Variants in SUGCT observed in about 807,000 individuals in gnomAD.
The protein encoded by SUGCT is succinyl-CoA:glutarate-CoA transferase.
In SUGCT, 41 loss-of-function variants were observed where a neutral mutation model predicts 55.0. That is an observed-to-expected ratio of 0.74 (90% CI 0.58 to 0.97). The LOEUF (loss-of-function observed/expected upper bound fraction) is 0.97, where lower values mean the gene tolerates loss of function less well. Ranked by LOEUF, SUGCT falls within the 50% of genes least tolerant of loss-of-function variation. SUGCT has a pLI of 0.00. For synonymous variants in SUGCT, 187 were observed against 200.4 expected (o/e 0.93, Z 0.56); for missense variants, 568 against 547.8 (o/e 1.04, Z -0.37).
chr7:41,019,645 C>A, the SUGCT span, among the ~76,000 whole-genome samples: 1 of 152,076 alleles, frequency 6.6e-6, no homozygotes, highest in African/African-American at 2.4e-5. Flanking sequence ...TCAAATTTTC[C>A]AACTCTATGT....
At chr7:40,911,449 TCC>T in the SUGCT span, among the ~76,000 whole-genome samples, 5 of 151,754 alleles carry the variant, frequency 3.3e-5, no homozygotes, top group Non-Finnish European at 5.9e-5. Context: ...ACACCTGTAG[TCC>T]CAGTTACTGG....
At chr7:40,865,237 T>C (rs1283487607), downstream of SUGCT, among the ~76,000 whole-genome samples, 1 of 152,040 alleles carries the variant, frequency 6.6e-6, no homozygotes, top group African/African-American at 2.4e-5. Context: ...TATAGATCCA[T>C]GTTATACAAC....
chr7:40,943,326 A>G, the SUGCT span, among the ~76,000 whole-genome samples: 13 of 150,722 alleles, frequency 8.6e-5, no homozygotes. Context: ...CATGTGCACA[A>G]TGTGCAGGTT....
intron 9 of SUGCT, among the ~76,000 whole-genome samples, chr7:40,370,787 T>C (rs1216197582): frequency 6.6e-6 from 1 of 152,128 alleles, no homozygotes; most frequent in East Asian, 1.9e-4. Flanking sequence ...TATTACTTCT[T>C]AGTAAGAAAA....
At chr7:41,008,936 G>A in the SUGCT span, among the ~76,000 whole-genome samples, 1 of 152,084 alleles carries the variant, frequency 6.6e-6, no homozygotes, top group African/African-American at 2.4e-5. Flanking sequence ...GTGGCTTCTT[G>A]TTGGGTCTTG....
chr7:40,379,306 A>T (rs920310772), intron 9 of SUGCT, among the ~76,000 whole-genome samples: 1 of 152,200 alleles, frequency 6.6e-6, no homozygotes, highest in Non-Finnish European at 1.5e-5. Flanking sequence ...TTGTTATGGC[A>T]ACCTTACAAA....
chr7:40,590,826 A>G (rs1797676493), intron 12 of SUGCT, among the ~76,000 whole-genome samples: 1 of 152,226 alleles, frequency 6.6e-6, no homozygotes, highest in Non-Finnish European at 1.5e-5. Flanking sequence ...TACATGGAAC[A>G]ACAAAGCCTG....
the SUGCT span, among the ~76,000 whole-genome samples, chr7:40,888,559 T>TA: frequency 6.6e-6 from 1 of 152,124 alleles, no homozygotes; most frequent in African/African-American, 2.4e-5. Flanking sequence ...AAGCAAAAAT[T>TA]AATGACATTC....
chr7:40,419,796 G>A (rs1468290622), intron 9 of SUGCT, among the ~76,000 whole-genome samples: 1 of 152,044 alleles, frequency 6.6e-6, no homozygotes, highest in African/African-American at 2.4e-5. Flanking sequence ...TCTTTGTTTT[G>A]TCTGCAGTAT....
At chr7:40,558,105 A>T in intron 12 of SUGCT, among the ~76,000 whole-genome samples, 1 of 151,876 alleles carries the variant, frequency 6.6e-6, no homozygotes, top group South Asian at 2.1e-4. Flanking sequence ...ATACAAAAAA[A>T]AAAAAACCAG....
chr7:40,671,522 G>A (rs1489623129), intron 12 of SUGCT, among the ~76,000 whole-genome samples: 1 of 152,016 alleles, frequency 6.6e-6, no homozygotes, highest in African/African-American at 2.4e-5. Context: ...CAAGTTAGGG[G>A]GTGCATGTTA....
At chr7:40,386,158 G>A (rs1785116863) in intron 9 of SUGCT, among the ~76,000 whole-genome samples, 1 of 152,168 alleles carries the variant, frequency 6.6e-6, no homozygotes, top group Admixed American at 6.5e-5. Flanking sequence ...CTGTAGAAGA[G>A]GCTGGTGCTT....
At chr7:40,670,191 AAAG>A (rs1005001390) in intron 12 of SUGCT, among the ~76,000 whole-genome samples, 34 of 148,782 alleles carry the variant, frequency 2.3e-4, no homozygotes, top group Admixed American at 1.3e-3. Context: ...AAAAAAAAAA[AAAG>A]AAGAAGAAGA....
intron 9 of SUGCT, among the ~76,000 whole-genome samples, chr7:40,392,120 A>G (rs941460972): frequency 1.3e-5 from 2 of 152,228 alleles, no homozygotes; most frequent in East Asian, 3.9e-4. Context: ...AACGTCACAC[A>G]CCGGGGCCTG....
At chr7:40,278,970 G>A (rs1460643525) in intron 8 of SUGCT, among the ~76,000 whole-genome samples, 2 of 151,348 alleles carry the variant, frequency 1.3e-5, no homozygotes, top group Admixed American at 1.3e-4. Context: ...CGGACTACAG[G>A]CGTATGACCT....
At chr7:41,021,689 A>G in the SUGCT span, among the ~76,000 whole-genome samples, 1 of 152,230 alleles carries the variant, frequency 6.6e-6, no homozygotes, top group Non-Finnish European at 1.5e-5. Context: ...TAAAATTATT[A>G]GATATTAAAA....
chr7:40,400,002 T>C (rs1325393250), intron 9 of SUGCT, among the ~76,000 whole-genome samples: 2 of 152,100 alleles, frequency 1.3e-5, no homozygotes, highest in African/African-American at 4.8e-5. Context: ...TGAGCCAAAA[T>C]TGTGCCACTG....
intron 12 of SUGCT, among the ~76,000 whole-genome samples, chr7:40,500,371 A>G (rs1383294053): frequency 6.6e-6 from 1 of 152,168 alleles, no homozygotes; most frequent in Non-Finnish European, 1.5e-5. Context: ...TATCAGAACT[A>G]TTGAAATATC....
rs186284503 is a variant in SUGCT, at chr7:40,604,193, G to T, written c.1089+107807G>T. On this transcript the variant is annotated intron_variant, in intron 12 of 13. Coordinates refer to ENST00000335693, the MANE Select transcript of SUGCT (RefSeq NM_001193313.2). ...TTTTGTGACATCTTTCTGAGTGTTCGCCCGAGGCCCTTGCTATCTCCTCCC... is the reference window on the plus strand; with the variant it reads ...TTTTGTGACATCTTTCTGAGTGTTCTCCCGAGGCCCTTGCTATCTCCTCCC... Among the ~76,000 whole-genome samples the T allele has an allele frequency of 2.6e-5, 4 of 152,186 alleles. No homozygotes were observed. In the East Asian group the frequency reaches 5.8e-4, roughly 22 times the overall value.
Sources: allele counts gnomAD v4.1 joint callset (sites outside exome capture counted in the v4.1 genomes callset), GRCh38; gene constraint gnomAD v4.1.1; transcripts MANE v1.5; gene names NCBI Gene and HGNC (gene_info 2026-07-23, HGNC 2026-07-21).